SLC6A12: variants seen among roughly 807,000 people sequenced by gnomAD.
The protein encoded by SLC6A12 is sodium- and chloride-dependent betaine transporter.
In SLC6A12, 50 loss-of-function variants were observed where a neutral mutation model predicts 73.3. The ratio of observed to expected loss-of-function variants is 0.68; its 90% confidence interval spans 0.54 to 0.86. SLC6A12 has a LOEUF of 0.86. SLC6A12 is among the 40% of genes least tolerant of loss of function. SLC6A12 has a pLI of 0.00. For missense variants in SLC6A12, 648 were observed against 772.8 expected, an observed-to-expected ratio of 0.84 and a Z score of 1.92; for synonymous variants, 304 against 309.2, an observed-to-expected ratio of 0.98 and a Z score of 0.18.
At chr12:212,793 A>AC (rs1012255119) in intron 1 of SLC6A12, among the ~76,000 whole-genome samples, 2 of 151,416 alleles carry the variant, frequency 1.3e-5, no homozygotes, top group African/African-American at 4.9e-5. Flanking sequence ...TACACACCCC[A>AC]CCCCCGCTGT....
chr12:197,156 T>TCTAC (rs1939934038), intron 10 of SLC6A12, among the ~76,000 whole-genome samples: 2 of 96,178 alleles, frequency 2.1e-5, no homozygotes, highest in African/African-American at 7.7e-5. Flanking sequence ...CATCCATCCA[T>TCTAC]CCATCCATCC....
chr12:188,116 C>G (rs990367635), downstream of SLC6A12, among the ~76,000 whole-genome samples: 4 of 152,226 alleles, frequency 2.6e-5, no homozygotes, highest in East Asian at 1.9e-4. Flanking sequence ...TCCGTGCGCC[C>G]GCACTTCTCA....
At chr12:212,137 A>G (rs1167761264) in intron 1 of SLC6A12, 27 bp from the exon 2 acceptor site, 1 of 152,220 alleles carries the variant, frequency 6.6e-6, no homozygotes, top group South Asian at 2.1e-4. Flanking sequence ...CCACTGCTCA[A>G]AGGGGTTTTC....
At chr12:195,126 G>C (rs1221941194) in intron 13 of SLC6A12, 99 bp downstream of exon 13, 1 of 756,418 alleles carries the variant, frequency 1.3e-6, no homozygotes, top group African/African-American at 1.7e-5. Context: ...ACAGAAACCA[G>C]GGGACCAGAG....
downstream of SLC6A12, among the ~76,000 whole-genome samples, chr12:187,073 G>A (rs1283011599): frequency 1.3e-5 from 2 of 152,196 alleles, no homozygotes; most frequent in African/African-American, 2.4e-5. Context: ...TGACAGAAGT[G>A]GGAAGACTGT....
In SLC6A12 at chr12:209,815, T is replaced by G. The variant is rs556752020; in HGVS notation, c.172A>C (p.Asn58His). Residue 58 changes from asparagine (N) to histidine (H), a missense_variant, in exon 3 of 16, where the codon AAT becomes CAT. Transcript: ENST00000684302. ...CAGAGATAGGGAAACCTCCAGACATTGCCCAGCCCAATGATCTCCCCGGCC... is the reference window on the plus strand; with the variant it reads ...CAGAGATAGGGAAACCTCCAGACATGGCCCAGCCCAATGATCTCCCCGGCC... ...SVAGEIIGLG[N>H]VWRFPYLCYK... 5.0e-6 allele frequency: 8 copies of G among 1,614,044 alleles called. No individual in the cohort carries two copies. The highest frequency in any genetic ancestry group is 6.8e-6 in the Non-Finnish European group (8 of 1,180,034).
At chr12:195,551 AT>A (rs1939822303) in intron 12 of SLC6A12, among the ~76,000 whole-genome samples, 4 of 152,002 alleles carry the variant, frequency 2.6e-5, no homozygotes, top group African/African-American at 4.8e-5. Context: ...GTGGACACAC[AT>A]CATCTCGTCT....
rs925029022 is a variant in SLC6A12 at position 209,772 on chromosome 12, C to T, written c.214+1G>A. 1.2e-6 allele frequency: 2 copies of T among 1,614,098 alleles called. No homozygotes were observed. The highest frequency in any genetic ancestry group is 1.3e-5 in the African/African-American group (1 of 74,932). On this transcript the variant is annotated splice_donor_variant, in intron 3 of 15. Transcript: ENST00000684302. LOFTEE classifies it high-confidence loss of function. ...CCATGCCTACCTCAAAGTGAACTCA[C>T]CACCTCCGTTTTTGTAGCAGAGATA...
At chr12:186,308 C>T (rs797738), downstream of SLC6A12, among the ~76,000 whole-genome samples, 9,881 of 152,250 alleles carry the variant, frequency 0.065, 532 homozygotes, top group African/African-American at 0.15. Context: ...TGAGAGGAGC[C>T]GAGGCCTTCC....
intron 5 of SLC6A12, among the ~76,000 whole-genome samples, chr12:202,107 T>C (rs1364388451): frequency 6.6e-6 from 1 of 152,098 alleles, no homozygotes; most frequent in African/African-American, 2.4e-5. Context: ...ATCTACTCAG[T>C]CCCCTCATGG....
chr12:197,503 T>C lies in SLC6A12; in HGVS notation c.951-2A>G, dbSNP rs766326176. On this transcript the variant is annotated splice_acceptor_variant, in intron 9 of 15. Coordinates refer to ENST00000684302, the MANE Select transcript of SLC6A12 (RefSeq NM_001122848.3). LOFTEE classifies it high-confidence loss of function. ...AGGAAGCAGAGGGCGATGCAGTCCC[T>C]GTGGGAGTGGGGCAAGGGCAGACAG... 2 of 1,611,856 alleles carry C rather than the reference T, an allele frequency of 1.2e-6. No homozygotes were observed. The highest frequency in any genetic ancestry group is 2.2e-5 in the East Asian group (1 of 44,818).
At chr12:187,589 C>CAAAAGAAAAAAAA (rs1939453849), downstream of SLC6A12, among the ~76,000 whole-genome samples, 3 of 106,074 alleles carry the variant, frequency 2.8e-5, no homozygotes, top group Non-Finnish European at 3.3e-5. Context: ...TGCAAAAGAG[C>CAAAAGAAAAAAAA]AAAAAAAAAA....
At position 193,386 on chromosome 12, in the gene SLC6A12, G is replaced by A. The variant is rs1222026774; in HGVS notation, c.1430-9C>T. The A allele has an allele frequency of 1.9e-6, 3 of 1,605,786 alleles. No homozygotes were observed. Among genetic ancestry groups the A allele is most frequent in the Non-Finnish European group, 2.6e-6 (3 of 1,172,976 alleles). ...ATAGAAACGGTCCGCCCCTGAGCAG[G>A]CATGGCGTGGGAGAGTGTGAGAGCC... On this transcript the variant is annotated splice_polypyrimidine_tract_variant and intron_variant, in intron 13 of 15. Coordinates refer to ENST00000684302, the MANE Select transcript of SLC6A12 (RefSeq NM_001122848.3).
chr12:196,682 G>C (rs1410827417), intron 11 of SLC6A12, 88 bp downstream of exon 11: 16 of 914,486 alleles, frequency 1.7e-5, no homozygotes, highest in Non-Finnish European at 2.7e-5. Flanking sequence ...GGTCAGGGGA[G>C]TGGGAGTGAG....
At chr12:208,397 A>AC (rs1419694797) in intron 3 of SLC6A12, among the ~76,000 whole-genome samples, 17 of 152,342 alleles carry the variant, frequency 1.1e-4, no homozygotes, top group African/African-American at 3.8e-4. Context: ...AGCAAGATAC[A>AC]CAGTAGACCC....
chr12:187,732 A>T (rs546197615), downstream of SLC6A12, among the ~76,000 whole-genome samples: 54 of 150,594 alleles, frequency 3.6e-4, no homozygotes, highest in Admixed American at 6.6e-4. Context: ...GGCCCCACCC[A>T]CATCCTGCTG....
In SLC6A12 at chr12:198,887, A is replaced by T; in HGVS notation, c.756T>A (p.Ile252=). ...TATFPYLMLV[I]LLIRGVTLPG... is the part of the protein sequence containing the mutation. ...GAAGGGTGACACCTCTGATCAGCAA[A>T]ATGACAAGCATCAGGTACGGAAACG... Residue 252 remains isoleucine, a synonymous_variant, in exon 8 of 16, where the codon ATT becomes ATA. Coordinates refer to ENST00000684302, the MANE Select transcript of SLC6A12 (RefSeq NM_001122848.3). This position sits in a 1 kb window ranked among gnomAD's most constrained non-coding sequence, Gnocchi z 4.0. 6.2e-7 allele frequency: 1 copy of T among 1,614,160 alleles called. No individual in the cohort carries two copies. Among genetic ancestry groups the T allele is most frequent in the Non-Finnish European group, 8.5e-7 (1 of 1,180,018 alleles).
intron 12 of SLC6A12, 116 bp downstream of exon 12, chr12:196,008 G>T: frequency 1.1e-6 from 1 of 936,648 alleles, no homozygotes; most frequent in Non-Finnish European, 1.6e-6. Context: ...AGGCAGGGCA[G>T]GCGTTCACAC....
chr12:203,782 G>A (rs1276017225), intron 4 of SLC6A12: 1 of 151,676 alleles, frequency 6.6e-6, no homozygotes, highest in Non-Finnish European at 1.5e-5. Context: ...GCTGGGTGGA[G>A]AAGGGGCTCG....
Sources: allele counts gnomAD v4.1 joint callset (sites outside exome capture counted in the v4.1 genomes callset), GRCh38; gene constraint gnomAD v4.1.1; non-coding constraint Gnocchi (gnomAD v3.1); transcripts MANE v1.5; gene names NCBI Gene and HGNC (gene_info 2026-07-23, HGNC 2026-07-21).